Variants in SNCAIP observed in about 807,000 individuals in gnomAD.
The protein encoded by SNCAIP is synuclein alpha interacting protein, also known as synphilin-1.
SNCAIP carries 43 observed loss-of-function variants against 86.7 expected under a neutral mutation model. The observed-to-expected ratio is 0.50, with a 90% CI of 0.39 to 0.64. SNCAIP has a LOEUF of 0.64. SNCAIP is among the 30% of genes least tolerant of loss of function. SNCAIP has a pLI of 0.00. For missense variants in SNCAIP, 981 were observed against 1,103.1 expected (o/e 0.89, Z 1.57); for synonymous variants, 417 against 427.2 (o/e 0.98, Z 0.29).
In SNCAIP at chr5:122,350,685, G is replaced by A. The variant is rs145675388; in HGVS notation, c.-47+38401G>A. On this transcript the variant is annotated intron_variant, in intron 1 of 10. Coordinates refer to ENST00000261368, the MANE Select transcript of SNCAIP (RefSeq NM_005460.4). ...TTTTTTGTGCTTATATGGGCATGAA[G>A]CCTGGAGGTCACAGAACGTGTGTGG... 3.9e-5 allele frequency among the ~76,000 whole-genome samples: 6 copies of A among 152,248 alleles called. No homozygotes were observed. In the East Asian group the frequency reaches 1.2e-3, roughly 29 times the overall value.
intron 10 of SNCAIP, among the ~76,000 whole-genome samples, chr5:122,456,180 G>A (rs189307316): frequency 1.3e-5 from 2 of 152,312 alleles, no homozygotes; most frequent in Non-Finnish European, 2.9e-5. Context: ...CCTAGCACCA[G>A]CATTAGCATA....
At position 122,382,052 on chromosome 5, in the gene SNCAIP, G is replaced by GCACA. The variant is rs569331766; in HGVS notation, c.-46-9037_-46-9036insCACA. Among the ~76,000 whole-genome samples, 28 of 152,124 alleles carry GCACA rather than the reference G, an allele frequency of 1.8e-4. No homozygotes were observed. In the East Asian group the frequency reaches 5.4e-3, roughly 29 times the overall value. ...TGCTCTTCTCGAGGATTATCTTTGT[G>GCACA]GTTTTCTCTGTATTTCCTTAATTTG... is the stretch of plus-strand genomic sequence containing the variant. On this transcript the variant is annotated intron_variant, in intron 1 of 10. Coordinates refer to ENST00000261368, the MANE Select transcript of SNCAIP (RefSeq NM_005460.4).
chr5:122,313,796 G>C (rs1751157578), intron 1 of SNCAIP, among the ~76,000 whole-genome samples: 1 of 152,198 alleles, frequency 6.6e-6, no homozygotes, highest in South Asian at 2.1e-4. Flanking sequence ...TCTGGAAAGG[G>C]AGTATTAACT....
chr5:122,448,831 A>G (rs1783067042), intron 8 of SNCAIP, among the ~76,000 whole-genome samples: 1 of 149,138 alleles, frequency 6.7e-6, no homozygotes, highest in African/African-American at 2.5e-5. Flanking sequence ...CCCGACTAAC[A>G]AGGTGAAACC....
At chr5:122,425,816 C>G (rs1383254902) in intron 5 of SNCAIP, among the ~76,000 whole-genome samples, 3 of 152,166 alleles carry the variant, frequency 2.0e-5, no homozygotes, top group Non-Finnish European at 4.4e-5. Flanking sequence ...GCTTCTTAAC[C>G]ACACCTGGAT....
At chr5:122,351,265 G>A (rs578185813) in intron 1 of SNCAIP, among the ~76,000 whole-genome samples, 20 of 152,052 alleles carry the variant, frequency 1.3e-4, no homozygotes, top group African/African-American at 4.1e-4. Flanking sequence ...GGCCAGGCGC[G>A]GTCGCTCACA....
At chr5:122,330,313 G>T (rs1755037455) in intron 1 of SNCAIP, among the ~76,000 whole-genome samples, 1 of 151,664 alleles carries the variant, frequency 6.6e-6, no homozygotes, top group African/African-American at 2.4e-5. Context: ...AGTAGAGACG[G>T]GGTTTCACCG....
chr5:122,403,671 T>G, intron 2 of SNCAIP, 122 bp from the exon 3 acceptor site: 2 of 841,904 alleles, frequency 2.4e-6, no homozygotes, highest in Non-Finnish European at 2.1e-6. Context: ...ATGAGATAAA[T>G]TTTCTGAATA....
intron 3 of SNCAIP, 55 bp downstream of exon 3, chr5:122,403,920 T>A: frequency 7.3e-7 from 1 of 1,375,800 alleles, no homozygotes; most frequent in Non-Finnish European, 1.0e-6. Flanking sequence ...TAATGGCTCC[T>A]GGAAAGCTGT....
At chr5:122,459,234 T>G (rs1236935343) in intron 10 of SNCAIP, among the ~76,000 whole-genome samples, 2 of 152,208 alleles carry the variant, frequency 1.3e-5, no homozygotes, top group Admixed American at 1.3e-4. Flanking sequence ...TTCCCTGTTT[T>G]GGTTATCAGC....
intron 8 of SNCAIP, among the ~76,000 whole-genome samples, chr5:122,446,528 A>G (rs574675475): frequency 1.1e-4 from 17 of 152,352 alleles, no homozygotes; most frequent in Admixed American, 1.0e-3. Context: ...GATAAAGTAC[A>G]CATATGTACT....
chr5:122,374,953 A>G (rs1764992385), intron 1 of SNCAIP, among the ~76,000 whole-genome samples: 1 of 152,116 alleles, frequency 6.6e-6, no homozygotes, highest in African/African-American at 2.4e-5. Context: ...TGCACTTTTA[A>G]TAATAGTACC....
Position 122,391,681 on chromosome 5 carries a change from A to G in SNCAIP, c.57+490A>G, listed in dbSNP as rs180758623. 1.3e-3 allele frequency among the ~76,000 whole-genome samples: 202 copies of G among 152,334 alleles called. 2 individuals carry two copies. Among genetic ancestry groups the G allele is most frequent in the African/African-American group, 4.7e-3 (194 of 41,588 alleles). On this transcript the variant is annotated intron_variant, in intron 2 of 10. Coordinates refer to ENST00000261368, the MANE Select transcript of SNCAIP (RefSeq NM_005460.4). ...TGTAAGCTTGTTGGGAATATTAAGG[A>G]AAATTCGTGCAGTGATAAGGACTGG...
chr5:122,344,745 A>G (rs1415746657), intron 1 of SNCAIP, among the ~76,000 whole-genome samples: 3 of 152,214 alleles, frequency 2.0e-5, no homozygotes, highest in African/African-American at 7.2e-5. Context: ...TCAAGTAAGT[A>G]ACAATTTATC....
At chr5:122,461,750 C>T (rs1241969448) in intron 10 of SNCAIP, among the ~76,000 whole-genome samples, 1 of 148,604 alleles carries the variant, frequency 6.7e-6, no homozygotes, top group East Asian at 2.0e-4. Context: ...GTGATCTTGG[C>T]TCACTGCAAC....
chr5:122,454,158 G>A (rs1033093383), intron 10 of SNCAIP, among the ~76,000 whole-genome samples: 1 of 152,210 alleles, frequency 6.6e-6, no homozygotes, highest in African/African-American at 2.4e-5. Context: ...ATGTGGGTAG[G>A]TGGATAGGTG....
intron 3 of SNCAIP, 33 bp downstream of exon 3, chr5:122,403,898 C>T: frequency 6.5e-7 from 1 of 1,537,326 alleles, no homozygotes; most frequent in Non-Finnish European, 9.0e-7. Context: ...TCTCCTTATC[C>T]TGGCTCAGTG....
At chr5:122,440,382 A>G (rs969207333) in intron 6 of SNCAIP, 6 of 478,354 alleles carry the variant, frequency 1.3e-5, no homozygotes, top group Non-Finnish European at 1.9e-5. Context: ...TCTATAGAAT[A>G]GATAAGTAAA....
At chr5:122,431,915 T>G in intron 5 of SNCAIP, 54 bp from the exon 6 acceptor site, 1 of 888,220 alleles carries the variant, frequency 1.1e-6, no homozygotes, top group Non-Finnish European at 1.9e-6. Context: ...TTAATGTATT[T>G]TTCAAACCTG....
Sources: allele counts gnomAD v4.1 joint callset (sites outside exome capture counted in the v4.1 genomes callset), GRCh38; gene constraint gnomAD v4.1.1; transcripts MANE v1.5; gene names NCBI Gene and HGNC (gene_info 2026-07-23, HGNC 2026-07-21).